SEL1L3: variants seen among roughly 807,000 people sequenced by gnomAD.
SEL1L3 encodes the protein protein sel-1 homolog 3.
A neutral mutation model predicts 142.8 loss-of-function variants in SEL1L3; 76 were observed. The ratio of observed to expected loss-of-function variants is 0.53; its 90% CI spans 0.44 to 0.64. The LOEUF (loss-of-function observed/expected upper bound fraction) is 0.64. Ranked by LOEUF, SEL1L3 falls within the 30% of genes least tolerant of loss-of-function variation. The probability of loss-of-function intolerance (pLI) is 0.00; values close to 1 mark genes in which losing one functional copy is unlikely to be tolerated. For synonymous variants in SEL1L3, 504 were observed against 519.6 expected (o/e 0.97, Z 0.41); for missense variants, 1,262 against 1,381.7 (o/e 0.91, Z 1.37).
chr4:25,818,102 A>G (rs1714508560), intron 9 of SEL1L3, 36 bp downstream of exon 9: 4 of 1,601,902 alleles, frequency 2.5e-6, no homozygotes, highest in African/African-American at 1.3e-5. Context: ...GAGCCTTTCT[A>G]ACCAGCGCCT....
downstream of SEL1L3, among the ~76,000 whole-genome samples, chr4:25,743,588 C>T (rs1717177684): frequency 6.6e-6 from 1 of 152,154 alleles, no homozygotes; most frequent in South Asian, 2.1e-4. Context: ...TCTGGAAAGG[C>T]AGGACCACTC....
intron 1 of SEL1L3, among the ~76,000 whole-genome samples, chr4:25,859,908 C>G (rs950929691): frequency 6.6e-6 from 1 of 152,230 alleles, no homozygotes; most frequent in Non-Finnish European, 1.5e-5. Flanking sequence ...ACCTCACATC[C>G]TGGCCAATTG....
the SEL1L3 span, among the ~76,000 whole-genome samples, chr4:25,729,927 C>G: frequency 1.7e-3 from 260 of 151,334 alleles, no homozygotes; most frequent in Non-Finnish European, 2.9e-3. Flanking sequence ...TTCTTCTTCT[C>G]CTTCTTCTTC....
downstream of SEL1L3, among the ~76,000 whole-genome samples, chr4:25,747,125 G>A (rs1717295636): frequency 6.6e-6 from 1 of 152,174 alleles, no homozygotes; most frequent in Admixed American, 6.6e-5. Flanking sequence ...ACACTCATAG[G>A]AGAAGGAGGA....
At chr4:25,838,860 C>A (rs990459848) in intron 2 of SEL1L3, among the ~76,000 whole-genome samples, 2 of 152,184 alleles carry the variant, frequency 1.3e-5, no homozygotes, top group South Asian at 2.1e-4. Context: ...GTGATCAGAA[C>A]CCTGACACAG....
intron 7 of SEL1L3, among the ~76,000 whole-genome samples, 159 bp from the exon 8 acceptor site, chr4:25,820,099 T>C (rs1714654074): frequency 6.6e-6 from 1 of 152,194 alleles, no homozygotes; most frequent in African/African-American, 2.4e-5. Flanking sequence ...AGCAAGGTCA[T>C]TGGTACTAAT....
At chr4:25,824,549 C>G (rs1714973302) in intron 6 of SEL1L3, among the ~76,000 whole-genome samples, 1 of 152,240 alleles carries the variant, frequency 6.6e-6, no homozygotes, top group African/African-American at 2.4e-5. Context: ...CAGTGATTAT[C>G]ATCCTTAACC....
intron 6 of SEL1L3, among the ~76,000 whole-genome samples, chr4:25,826,831 T>C (rs569781195): frequency 4.2e-4 from 64 of 152,086 alleles, no homozygotes; most frequent in African/African-American, 1.4e-3. Context: ...GCCCGGCTAA[T>C]TTTTGTATTT....
At chr4:25,813,057 G>A (rs1468759579) in intron 9 of SEL1L3, among the ~76,000 whole-genome samples, 1 of 152,172 alleles carries the variant, frequency 6.6e-6, no homozygotes, top group African/African-American at 2.4e-5. Flanking sequence ...AAGTGTTTCT[G>A]AGGATGTGGA....
chr4:25,808,322 T>C (rs949588699), intron 9 of SEL1L3, among the ~76,000 whole-genome samples: 7 of 152,222 alleles, frequency 4.6e-5, no homozygotes, highest in Non-Finnish European at 1.0e-4. Flanking sequence ...CCACCACTAA[T>C]TACCCCTTAC....
chr4:25,818,387 A>T (rs1714537572), intron 8 of SEL1L3, 109 bp from the exon 9 acceptor site: 1 of 1,034,226 alleles, frequency 9.7e-7, no homozygotes, highest in South Asian at 2.3e-5. Flanking sequence ...CCATTACTGG[A>T]TGTTGGTTTT....
At chr4:25,805,434 G>A (rs983105127) in intron 9 of SEL1L3, among the ~76,000 whole-genome samples, 1 of 152,200 alleles carries the variant, frequency 6.6e-6, no homozygotes, top group East Asian at 1.9e-4. Flanking sequence ...AAGAGGCAGA[G>A]CCAAGCAGTG....
rs1417816575 is a variant in SEL1L3, at chr4:25,756,405, G to A, written c.3259+1129C>T. ...AAATGTAAGAGCTAACATTTATTGA[G>A]AAGGTTTTATATGCCAGATAAATAT... On this transcript the variant is annotated intron_variant, in intron 23 of 23. Transcript: ENST00000399878. 14 of 985,126 alleles carry A rather than the reference G, an allele frequency of 1.4e-5. No homozygotes were observed. In the South Asian group the frequency reaches 6.1e-4, roughly 43 times the overall value. 61.0% of individuals were successfully genotyped at this position (985,126 alleles called of 1,614,324 possible). A position where few individuals can be genotyped will look rare whatever the true frequency, so the allele number is the denominator to read the frequency against.
At chr4:25,856,471 T>G (rs759300933) in intron 1 of SEL1L3, among the ~76,000 whole-genome samples, 22 of 152,114 alleles carry the variant, frequency 1.4e-4, no homozygotes, top group Non-Finnish European at 2.5e-4. Flanking sequence ...TGAAAAATGC[T>G]TGAGCCCTCA....
downstream of SEL1L3, among the ~76,000 whole-genome samples, chr4:25,744,375 G>A (rs186767129): frequency 3.8e-3 from 177 of 47,180 alleles, 1 homozygote; most frequent in Non-Finnish European, 1.8e-3. Context: ...TTGAGACGGA[G>A]CCTCGCTCTG....
At chr4:25,862,558 A>C in intron 1 of SEL1L3, 117 bp downstream of exon 1, 17 of 451,522 alleles carry the variant, frequency 3.8e-5, no homozygotes, top group African/African-American at 4.2e-5. Context: ...GCGACGAGGA[A>C]GAGAGAAAAC....
intron 11 of SEL1L3, among the ~76,000 whole-genome samples, chr4:25,793,218 T>A (rs1712479218): frequency 6.6e-6 from 1 of 152,130 alleles, no homozygotes; most frequent in African/African-American, 2.4e-5. Flanking sequence ...TTGCCCAGCC[T>A]TACCATCGTG....
chr4:25,772,618 A>G (rs1719303518), intron 17 of SEL1L3, among the ~76,000 whole-genome samples: 1 of 152,104 alleles, frequency 6.6e-6, no homozygotes, highest in African/African-American at 2.4e-5. Flanking sequence ...GAAAAGAAAG[A>G]AAAAAGAAAA....
chr4:25,796,212 G>A (rs949223220), intron 11 of SEL1L3, among the ~76,000 whole-genome samples: 2 of 152,130 alleles, frequency 1.3e-5, no homozygotes, highest in African/African-American at 2.4e-5. Flanking sequence ...ACTGTCCCGG[G>A]GATGCTGACA....
Sources: gnomAD v4.1 joint callset for allele counts (sites outside exome capture counted in the v4.1 genomes callset) on GRCh38, gnomAD v4.1.1 for gene constraint, MANE v1.5 for transcripts, NCBI Gene and HGNC (gene_info 2026-07-23, HGNC 2026-07-21) for gene names.